The following DPH6 variants were observed in gnomAD, a reference collection of about 807,000 sequenced individuals.
DPH6 encodes the protein diphthamine biosynthesis 6, also known as diphthine--ammonia ligase.
A neutral mutation model predicts 38.2 loss-of-function variants in DPH6; 33 were observed. That is an observed-to-expected ratio of 0.86 (90% CI 0.65 to 1.15). The LOEUF (loss-of-function observed/expected upper bound fraction) is 1.15, where lower values mean the gene tolerates loss of function less well. Ranked by LOEUF, DPH6 falls within the 50% of genes most tolerant of loss-of-function variation. The pLI is 0.00. For synonymous variants in DPH6, 108 were observed against 103.0 expected, an observed-to-expected ratio of 1.05 and a Z score of -0.30; for missense variants, 325 against 320.0, an observed-to-expected ratio of 1.02 and a Z score of -0.12.
chr15:35,362,553 A>C (rs2052622547), intron 3 of DPH6, among the ~76,000 whole-genome samples: 1 of 151,706 alleles, frequency 6.6e-6, no homozygotes, highest in Admixed American at 6.6e-5. Flanking sequence ...AAGCTTCTAA[A>C]CTTTCTATTT....
intron 3 of DPH6, among the ~76,000 whole-genome samples, chr15:35,352,493 T>C (rs1231463158): frequency 6.6e-6 from 1 of 152,066 alleles, no homozygotes; most frequent in Non-Finnish European, 1.5e-5. Flanking sequence ...ATGTGTTCTC[T>C]TTGTTCAATT....
the DPH6 span, among the ~76,000 whole-genome samples, chr15:35,181,470 T>C: frequency 6.2e-5 from 8 of 128,138 alleles, no homozygotes; most frequent in African/African-American, 2.2e-4. Context: ...AAAAAAACTC[T>C]GCTTTTTAGT....
At chr15:35,346,142 T>C (rs1012191670) in intron 3 of DPH6, among the ~76,000 whole-genome samples, 2 of 152,004 alleles carry the variant, frequency 1.3e-5, no homozygotes, top group African/African-American at 2.4e-5. Context: ...TTCCAAAACA[T>C]TTCCAACAGA....
intron 3 of DPH6, among the ~76,000 whole-genome samples, chr15:35,261,829 T>TC (rs2140418759): frequency 1.2e-5 from 1 of 85,822 alleles, no homozygotes; most frequent in Non-Finnish European, 3.0e-5. Flanking sequence ...CAAGACCCTC[T>TC]CTTAAAAAAA....
chr15:35,213,829 G>A (rs1034742098), downstream of DPH6, among the ~76,000 whole-genome samples: 1 of 152,110 alleles, frequency 6.6e-6, no homozygotes, highest in Non-Finnish European at 1.5e-5. Flanking sequence ...GCTTAAAGAA[G>A]AGGCCGGGCG....
the DPH6 span, among the ~76,000 whole-genome samples, chr15:35,211,988 C>T: frequency 1.3e-5 from 2 of 152,202 alleles, no homozygotes; most frequent in Non-Finnish European, 1.5e-5. Flanking sequence ...TCAACTAGTT[C>T]ACTTCCCCTA....
the DPH6 span, among the ~76,000 whole-genome samples, chr15:35,147,299 C>T: frequency 1.3e-5 from 2 of 152,252 alleles, no homozygotes; most frequent in African/African-American, 2.4e-5. Context: ...TACCTTCCGA[C>T]GCCTTTCTCA....
In DPH6 at chr15:35,473,913, AGTGTGT is replaced by A. The variant is rs58549209; in HGVS notation, c.313-19099_313-19094del. Among the ~76,000 whole-genome samples the A allele has an allele frequency of 9.2e-3, 1,164 of 126,846 alleles. 19 individuals carry two copies. The highest frequency in any genetic ancestry group is 0.028 in the African/African-American group (1,074 of 38,114). The allele number at this position is 126,846 out of a possible 152,430, so 83.2% of individuals were successfully genotyped here. Reference sequence around the variant, plus strand: ...AGGCAAGCGATAGAACACTGTGCACAGTGTGTGTGTGTGTGTGTGTGTGTGTGTGTG... The same window carrying A: ...AGGCAAGCGATAGAACACTGTGCACAGTGTGTGTGTGTGTGTGTGTGTGTG... On this transcript the variant is annotated intron_variant, in intron 3 of 8. Transcript: ENST00000256538.
downstream of DPH6, among the ~76,000 whole-genome samples, chr15:35,216,542 T>A (rs2051411614): frequency 7.0e-6 from 1 of 143,408 alleles, no homozygotes; most frequent in African/African-American, 2.5e-5. Flanking sequence ...AAGAGATTAA[T>A]GAGTTCTTAA....
At chr15:35,382,295 G>A (rs2052880184) in intron 6 of DPH6, among the ~76,000 whole-genome samples, 1 of 152,184 alleles carries the variant, frequency 6.6e-6, no homozygotes, top group Admixed American at 6.5e-5. Flanking sequence ...AATTAGCCGG[G>A]CATGGTGGTG....
At chr15:35,198,118 T>C in the DPH6 span, among the ~76,000 whole-genome samples, 2 of 151,838 alleles carry the variant, frequency 1.3e-5, no homozygotes, top group African/African-American at 4.8e-5. Flanking sequence ...GTATGCAATA[T>C]GATCCAGGTA....
chr15:35,251,964 C>T (rs892088771), intron 3 of DPH6, among the ~76,000 whole-genome samples: 18 of 152,136 alleles, frequency 1.2e-4, no homozygotes, highest in Non-Finnish European at 1.5e-5. Context: ...CATGGTGAAA[C>T]CCCATCTCTA....
intron 3 of DPH6, among the ~76,000 whole-genome samples, chr15:35,462,791 C>T (rs931009736): frequency 9.2e-5 from 14 of 152,148 alleles, no homozygotes; most frequent in South Asian, 4.2e-4. Flanking sequence ...TACTTGGTCC[C>T]GTTCCCACTG....
At chr15:35,376,712 T>C (rs970076510) in intron 7 of DPH6, among the ~76,000 whole-genome samples, 1 of 152,166 alleles carries the variant, frequency 6.6e-6, no homozygotes, top group South Asian at 2.1e-4. Flanking sequence ...ATTTTTACTG[T>C]ACCTTTTCTA....
At chr15:35,344,895 A>G (rs1595490817) in intron 3 of DPH6, among the ~76,000 whole-genome samples, 2 of 151,900 alleles carry the variant, frequency 1.3e-5, no homozygotes, top group African/African-American at 4.8e-5. Context: ...TGGGAATCAT[A>G]TTTCTAAAAT....
Position 35,298,715 on chromosome 15 carries a change from T to C in DPH6, n.200+74806A>G, listed in dbSNP as rs1407445130. On this transcript the variant is annotated intron_variant and non_coding_transcript_variant, in intron 3 of 3. Coordinates refer to the DPH6 transcript ENST00000560386. ...CAGACCCTGGCCCTCCCGGAAGCCG[T>C]ACTTCTGTATGATCTTGTGCGCCAC... is the stretch of plus-strand genomic sequence containing the variant. 1.9e-6 allele frequency: 3 copies of C among 1,581,676 alleles called. No individual in the cohort carries two copies. In the East Asian group the frequency reaches 6.7e-5, roughly 35 times the overall value.
At chr15:35,465,973 A>G (rs897490124) in intron 3 of DPH6, among the ~76,000 whole-genome samples, 5 of 152,180 alleles carry the variant, frequency 3.3e-5, no homozygotes, top group Non-Finnish European at 7.3e-5. Flanking sequence ...CTACATGTGA[A>G]ACTAAATGGA....
At chr15:35,503,394 G>T (rs551590022) in intron 3 of DPH6, among the ~76,000 whole-genome samples, 1 of 151,832 alleles carries the variant, frequency 6.6e-6, no homozygotes, top group African/African-American at 2.4e-5. Flanking sequence ...TCCCCTTTTC[G>T]TTGCTCTTAA....
rs971010359 is a variant in DPH6 at position 35,241,398 on chromosome 15, T to A, written n.201-20816A>T. Among the ~76,000 whole-genome samples the A allele has an allele frequency of 1.4e-4, 20 of 143,584 alleles. 1 individual carries two copies. Among genetic ancestry groups the A allele is most frequent in the African/African-American group, 4.6e-4 (18 of 39,558 alleles). The allele number at this position is 143,584 out of a possible 152,430, so 94.2% of individuals were successfully genotyped here. A position where few individuals can be genotyped will look rare whatever the true frequency, so the allele number is the denominator to read the frequency against. ...CCTTCTTTTCAAGGCCTGTTTCCCT[T>A]GCCTCCATAACTGTTGTGGGTATTG... On this transcript the variant is annotated intron_variant and non_coding_transcript_variant, in intron 3 of 3. Coordinates refer to the DPH6 transcript ENST00000560386.
Sources: gnomAD v4.1 joint callset for allele counts (sites outside exome capture counted in the v4.1 genomes callset) on GRCh38, gnomAD v4.1.1 for gene constraint, MANE v1.5 for transcripts, NCBI Gene and HGNC (gene_info 2026-07-23, HGNC 2026-07-21) for gene names.